Variants in STX8 observed in about 807,000 individuals in gnomAD.
The protein encoded by STX8 is syntaxin 8.
STX8 carries 23 observed loss-of-function variants against 37.5 expected under a neutral mutation model. That is an observed-to-expected ratio of 0.61 (90% confidence interval 0.44 to 0.87). The LOEUF is 0.87. Among genes scored for constraint, STX8 ranks in the 40% least tolerant of loss-of-function variants. STX8 has a pLI of 0.00. For synonymous variants in STX8, 115 were observed against 99.1 expected (o/e 1.16, Z -0.95); for missense variants, 313 against 284.7 (o/e 1.10, Z -0.71).
At chr17:9,356,960 GTTTT>G (rs140965935) in intron 7 of STX8, among the ~76,000 whole-genome samples, 811 of 61,752 alleles carry the variant, frequency 0.013, 14 homozygotes, top group African/African-American at 0.047. Flanking sequence ...CCTTTTAACA[GTTTT>G]TTTTTTTTTT....
intron 6 of STX8, among the ~76,000 whole-genome samples, chr17:9,379,715 T>C (rs887630796): frequency 1.3e-5 from 2 of 152,124 alleles, no homozygotes; most frequent in African/African-American, 4.8e-5. Context: ...ACACCTATAA[T>C]CCCAGCACTT....
intron 4 of STX8, among the ~76,000 whole-genome samples, chr17:9,532,323 G>A (rs1165675147): frequency 1.3e-5 from 2 of 152,040 alleles, no homozygotes; most frequent in East Asian, 1.9e-4. Flanking sequence ...CTTCTACTTC[G>A]TCATCTCCAA....
chr17:9,298,853 C>G (rs1373987378), intron 7 of STX8, among the ~76,000 whole-genome samples: 1 of 152,124 alleles, frequency 6.6e-6, no homozygotes, highest in East Asian at 1.9e-4. Flanking sequence ...CAAACCAAAC[C>G]TGAGTAGCAT....
chr17:9,311,593 C>T (rs1435171562), intron 7 of STX8, among the ~76,000 whole-genome samples: 6 of 152,254 alleles, frequency 3.9e-5, no homozygotes, highest in African/African-American at 1.4e-4. Flanking sequence ...AATAGACTGA[C>T]GGAATATAAA....
chr17:9,523,412 A>G (rs1905442087), intron 4 of STX8, among the ~76,000 whole-genome samples: 3 of 151,998 alleles, frequency 2.0e-5, no homozygotes, highest in Non-Finnish European at 4.4e-5. Context: ...ACACATATAT[A>G]TATTTAAAGA....
chr17:9,469,540 C>T (rs1905760775), intron 6 of STX8, among the ~76,000 whole-genome samples: 2 of 152,188 alleles, frequency 1.3e-5, no homozygotes, highest in African/African-American at 4.8e-5. Flanking sequence ...GTCGTTGCTT[C>T]AAGGACAAAC....
chr17:9,381,263 C>T (rs1346751374), intron 6 of STX8, among the ~76,000 whole-genome samples: 1 of 150,510 alleles, frequency 6.6e-6, no homozygotes, highest in Non-Finnish European at 1.5e-5. Flanking sequence ...TTTTTTCCTC[C>T]CTCCTTCTCC....
In STX8 at chr17:9,260,926, T is replaced by C. The variant is rs139157935; in HGVS notation, c.644-10281A>G. 1.1e-3 allele frequency among the ~76,000 whole-genome samples: 161 copies of C among 152,060 alleles called. 1 individual carries two copies. Among genetic ancestry groups the C allele is most frequent in the Non-Finnish European group, 2.0e-3 (133 of 67,986 alleles). On this transcript the variant is annotated intron_variant, in intron 7 of 7. Coordinates refer to ENST00000306357, the MANE Select transcript of STX8 (RefSeq NM_004853.3). ...AATCAACTGGAAAGAAGGCAGCAAC[T>C]GTCGGAAAAGAGAACGGTGTGAAGA...
intron 7 of STX8, among the ~76,000 whole-genome samples, chr17:9,302,971 A>G (rs987588505): frequency 1.0e-4 from 15 of 148,620 alleles, no homozygotes; most frequent in African/African-American, 3.8e-4. Context: ...TTATATGTGA[A>G]TTAGATCTAA....
chr17:9,402,581 T>C (rs564161916), intron 6 of STX8, among the ~76,000 whole-genome samples: 2 of 152,290 alleles, frequency 1.3e-5, no homozygotes, highest in Admixed American at 1.3e-4. Flanking sequence ...CATTAAACAA[T>C]TGCTGACTTG....
At chr17:9,296,435 T>C (rs910710015) in intron 7 of STX8, among the ~76,000 whole-genome samples, 4 of 150,012 alleles carry the variant, frequency 2.7e-5, no homozygotes, top group African/African-American at 9.8e-5. Context: ...GAGGTGGAGG[T>C]TGCAGTGAAC....
intron 4 of STX8, among the ~76,000 whole-genome samples, chr17:9,511,761 T>C (rs989913743): frequency 2.0e-5 from 3 of 151,988 alleles, no homozygotes. Flanking sequence ...GAGAAAGTAA[T>C]AAATGGCATT....
intron 6 of STX8, among the ~76,000 whole-genome samples, chr17:9,445,976 C>T (rs1179344655): frequency 6.6e-6 from 1 of 151,884 alleles, no homozygotes; most frequent in African/African-American, 2.4e-5. Context: ...GCTGGGACTA[C>T]AGGCGCCTGC....
chr17:9,341,107 T>A (rs11654567), intron 7 of STX8, among the ~76,000 whole-genome samples: 1 of 151,294 alleles, frequency 6.6e-6, no homozygotes, highest in Admixed American at 6.6e-5. Context: ...TAAAGTATCA[T>A]GTGGAAAGTC....
chr17:9,287,262 C>A (rs571066104), intron 7 of STX8, among the ~76,000 whole-genome samples: 14 of 152,200 alleles, frequency 9.2e-5, no homozygotes, highest in African/African-American at 3.4e-4. Flanking sequence ...GGTTCTCCTG[C>A]AGGTGAGGCT....
chr17:9,546,755 G>A (rs186342934), intron 3 of STX8, among the ~76,000 whole-genome samples: 58 of 151,064 alleles, frequency 3.8e-4, no homozygotes, highest in Middle Eastern at 3.4e-3. Context: ...GTGCCACCAC[G>A]CGCAGCTAAT....
chr17:9,324,719 T>C (rs528391693), intron 7 of STX8, among the ~76,000 whole-genome samples: 1 of 146,528 alleles, frequency 6.8e-6, no homozygotes, highest in East Asian at 2.0e-4. Context: ...GAGCCATGAT[T>C]GTACCACTGC....
At chr17:9,327,199 A>G (rs1260526890) in intron 7 of STX8, among the ~76,000 whole-genome samples, 1 of 138,966 alleles carries the variant, frequency 7.2e-6, no homozygotes, top group East Asian at 2.0e-4. Context: ...AGAAGGAAGA[A>G]GGAAGAAGGA....
intron 7 of STX8, among the ~76,000 whole-genome samples, chr17:9,327,544 C>T (rs1024035668): frequency 1.3e-5 from 2 of 152,098 alleles, no homozygotes; most frequent in Non-Finnish European, 2.9e-5. Context: ...AGAGGGGAAG[C>T]ACAGTAAGGC....
Sources: gnomAD v4.1 joint callset for allele counts (sites outside exome capture counted in the v4.1 genomes callset) on GRCh38, gnomAD v4.1.1 for gene constraint, MANE v1.5 for transcripts, NCBI Gene and HGNC (gene_info 2026-07-23, HGNC 2026-07-21) for gene names.